MTHFSD: variants seen among roughly 807,000 people sequenced by gnomAD.
MTHFSD encodes the protein methenyltetrahydrofolate synthase domain-containing protein.
In MTHFSD, 37 loss-of-function variants were observed where a neutral mutation model predicts 31.1. That is an observed-to-expected ratio of 1.19 (90% CI 0.91 to 1.56). The LOEUF is 1.56. Ranked by LOEUF, MTHFSD falls within the 40% of genes most tolerant of loss-of-function variation. The pLI, the probability that MTHFSD is intolerant of heterozygous loss-of-function variation, is 0.00. For missense variants in MTHFSD, 664 were observed against 510.1 expected (o/e 1.30, Z -2.91); for synonymous variants, 221 against 206.9 (o/e 1.07, Z -0.59).
chr16:86,554,171 G>A (rs2081232), intron 2 of MTHFSD, among the ~76,000 whole-genome samples: 27,248 of 152,012 alleles, frequency 0.18, 3,214 homozygotes, highest in Admixed American at 0.34. Context: ...TCTTGCTGCT[G>A]CTCATTCTTT....
intron 7 of MTHFSD, chr16:86,540,893 C>G (rs1288836148): frequency 1.8e-6 from 2 of 1,123,666 alleles, no homozygotes; most frequent in South Asian, 2.1e-5. Context: ...GCCCAGGACA[C>G]CTGCAGGGAA....
intron 5 of MTHFSD, among the ~76,000 whole-genome samples, chr16:86,543,303 G>C (rs2143640975): frequency 6.6e-6 from 1 of 152,246 alleles, no homozygotes; most frequent in East Asian, 1.9e-4. Context: ...CACTGTTGAG[G>C]GCCGAAAGTG....
At chr16:86,546,785 G>T in intron 4 of MTHFSD, 136 bp from the exon 5 acceptor site, 1 of 720,404 alleles carries the variant, frequency 1.4e-6, no homozygotes. Context: ...CACCGGAGAT[G>T]TGGCGTTTCA....
At position 86,555,040 on chromosome 16, in the gene MTHFSD, ACCT is replaced by A; in HGVS notation, c.16+126_16+128del. On this transcript the variant is annotated intron_variant, in intron 1 of 7. Coordinates refer to ENST00000360900, the MANE Select transcript of MTHFSD (RefSeq NM_001159377.2). ...CCGAACCCAGCACAGACCCCCTCTG[ACCT>A]CCTCGGCCGCTTCCGGTGATTCTGC... 6 of 1,464,082 alleles carry A rather than the reference ACCT, an allele frequency of 4.1e-6. No homozygotes were observed. In the South Asian group the frequency reaches 6.8e-5, roughly 17 times the overall value. 90.7% of individuals were successfully genotyped at this position (1,464,082 alleles called of 1,614,324 possible).
intron 7 of MTHFSD, among the ~76,000 whole-genome samples, chr16:86,539,520 G>T (rs950866783): frequency 5.3e-5 from 8 of 152,230 alleles, no homozygotes; most frequent in Non-Finnish European, 8.8e-5. Flanking sequence ...AGGGCTTGGA[G>T]AGTGTGTTGG....
At position 86,538,484 on chromosome 16, in the gene MTHFSD, G is replaced by C. The variant is rs533909389; in HGVS notation, c.681+3213C>G. ...GGACACCACTCAGCCCTGGGAGCTG[G>C]CTGGGACTCTGCATTTCACTCCCGA... On this transcript the variant is annotated intron_variant, in intron 7 of 7. Coordinates refer to ENST00000360900, the MANE Select transcript of MTHFSD (RefSeq NM_001159377.2). Among the ~76,000 whole-genome samples the C allele has an allele frequency of 3.3e-5, 5 of 152,338 alleles. No individual in the cohort carries two copies. The South Asian group carries it at 1.0e-3, about 32-fold the overall frequency.
At chr16:86,548,222 G>C in intron 4 of MTHFSD, 1 of 1,052,314 alleles carries the variant, frequency 9.5e-7, no homozygotes, top group Non-Finnish European at 1.3e-6. Context: ...CTTACAATAA[G>C]GAATTTATAA....
chr16:86,535,454 G>C, intron 7 of MTHFSD: 1 of 985,412 alleles, frequency 1.0e-6, no homozygotes, highest in Non-Finnish European at 1.2e-6. Context: ...GTTGGGATGA[G>C]TGCATGGCAG....
At chr16:86,545,939 G>T (rs887569443) in intron 5 of MTHFSD, among the ~76,000 whole-genome samples, 1 of 152,224 alleles carries the variant, frequency 6.6e-6, no homozygotes, top group East Asian at 1.9e-4. Flanking sequence ...AGTGGTGGCT[G>T]GGAAAAGAGG....
intron 3 of MTHFSD, among the ~76,000 whole-genome samples, chr16:86,551,024 T>G (rs1471988688): frequency 6.6e-6 from 1 of 152,260 alleles, no homozygotes; most frequent in South Asian, 2.1e-4. Context: ...AGATGGCCAG[T>G]ACTATACTCA....
intron 7 of MTHFSD, among the ~76,000 whole-genome samples, chr16:86,533,982 C>T (rs1002326356): frequency 1.3e-5 from 2 of 152,180 alleles, no homozygotes; most frequent in South Asian, 4.1e-4. Flanking sequence ...TGGTGGGATG[C>T]CACTCTGCTC....
intron 2 of MTHFSD, 63 bp from the exon 3 acceptor site, chr16:86,552,209 G>A (rs566578154): frequency 7.4e-6 from 12 of 1,613,732 alleles, no homozygotes; most frequent in East Asian, 6.7e-5. Flanking sequence ...CACTTTTCTG[G>A]GGGGCATCAG....
intron 7 of MTHFSD, chr16:86,535,409 C>T (rs1970554352): frequency 2.5e-5 from 25 of 985,300 alleles, no homozygotes; most frequent in Non-Finnish European, 2.9e-5. Flanking sequence ...AGAAAGCCTC[C>T]TGTGTGCCAG....
intron 7 of MTHFSD, among the ~76,000 whole-genome samples, chr16:86,539,784 T>C (rs1403346284): frequency 6.6e-6 from 1 of 152,210 alleles, no homozygotes; most frequent in Non-Finnish European, 1.5e-5. Flanking sequence ...GGGAATTAGA[T>C]GCTGAACTGT....
At chr16:86,533,071 G>A (rs568821129) in intron 7 of MTHFSD, 2 of 152,274 alleles carry the variant, frequency 1.3e-5, no homozygotes, top group Admixed American at 1.3e-4. Context: ...CTGAAACACA[G>A]CTTTGAAAAC....
intron 4 of MTHFSD, 33 bp from the exon 5 acceptor site, chr16:86,546,682 A>G (rs1972362485): frequency 6.5e-7 from 1 of 1,542,118 alleles, no homozygotes; most frequent in East Asian, 2.2e-5. Flanking sequence ...GAAAACTTCA[A>G]CTCCAGCTGC....
At chr16:86,552,350 A>G in intron 2 of MTHFSD, 1 of 1,434,072 alleles carries the variant, frequency 7.0e-7, no homozygotes, top group Non-Finnish European at 9.4e-7. Context: ...GGCCAACTGC[A>G]GCCCAAGCAG....
chr16:86,530,793 G>C lies in MTHFSD; in HGVS notation c.*1218C>G, dbSNP rs1192725296. 1 of 152,252 alleles carries C rather than the reference G, an allele frequency of 6.6e-6. No individual in the cohort carries two copies. The highest frequency in any genetic ancestry group is 1.5e-5 in the Non-Finnish European group (1 of 68,078). The allele number at this position is 152,252 out of a possible 1,614,324, so 9.4% of individuals were successfully genotyped here. A position where few individuals can be genotyped will look rare whatever the true frequency, so the allele number is the denominator to read the frequency against. ...TGACCAGCCGTGCGGGCGGGGGCAA[G>C]GCCAAGGACACAGAGGGCCGAGGGC... is the stretch of plus-strand genomic sequence containing the variant. On this transcript the variant is annotated 3_prime_UTR_variant, in exon 8 of 8. Coordinates refer to ENST00000360900, the MANE Select transcript of MTHFSD (RefSeq NM_001159377.2).
Position 86,532,129 on chromosome 16 carries a change from GCT to G in MTHFSD, c.1032_1033del (p.Arg344SerfsTer93). 6.4e-7 allele frequency: 1 copy of G among 1,555,422 alleles called. No homozygotes were observed. Among genetic ancestry groups the G allele is most frequent in the Non-Finnish European group, 8.7e-7 (1 of 1,150,688 alleles). ...GGCAGAGTCCGGGTAATGGAGGAAG[GCT>G]CTGCGCCGCGGGCCCTGCCAGGTGA... On this transcript the variant is annotated frameshift_variant, in exon 8 of 8. Coordinates refer to ENST00000360900, the MANE Select transcript of MTHFSD (RefSeq NM_001159377.2). LOFTEE classifies it low-confidence loss of function (END_TRUNC).
Sources: allele counts gnomAD v4.1 joint callset (sites outside exome capture counted in the v4.1 genomes callset), GRCh38; gene constraint gnomAD v4.1.1; transcripts MANE v1.5; gene names NCBI Gene and HGNC (gene_info 2026-07-23, HGNC 2026-07-21).